Variants in SV2C observed in about 807,000 individuals in gnomAD.
SV2C encodes synaptic vesicle glycoprotein 2C.
A neutral mutation model predicts 79.7 loss-of-function variants in SV2C; 49 were observed. The observed-to-expected ratio is 0.61, with a 90% CI of 0.49 to 0.78. The LOEUF (loss-of-function observed/expected upper bound fraction) is 0.78, where lower values mean the gene tolerates loss of function less well. Among genes scored for constraint, SV2C ranks in the 30% least tolerant of loss-of-function variants. SV2C has a pLI of 0.00. For missense variants in SV2C, 833 were observed against 912.9 expected (o/e 0.91, Z 1.13); for synonymous variants, 334 against 333.2 (o/e 1.00, Z -0.03).
At chr5:76,009,236 G>T in the SV2C span, among the ~76,000 whole-genome samples, 6 of 152,126 alleles carry the variant, frequency 3.9e-5, no homozygotes, top group African/African-American at 1.4e-4. Flanking sequence ...AGTCAGAATG[G>T]CTATTACTAA....
At chr5:75,995,564 T>A in the SV2C span, among the ~76,000 whole-genome samples, 1 of 152,006 alleles carries the variant, frequency 6.6e-6, no homozygotes, top group African/African-American at 2.4e-5. Context: ...CGAAACAAAA[T>A]ATGAAGGAAG....
At chr5:76,258,291 A>G (rs1320587795) in intron 4 of SV2C, among the ~76,000 whole-genome samples, 1 of 152,060 alleles carries the variant, frequency 6.6e-6, no homozygotes, top group Non-Finnish European at 1.5e-5. Flanking sequence ...ATGGTCTACT[A>G]CAGACAATTC....
chr5:76,301,562 C>T lies in SV2C; in HGVS notation c.2000+17C>T. 1.2e-6 allele frequency: 2 copies of T among 1,609,218 alleles called. No individual in the cohort carries two copies. Among genetic ancestry groups the T allele is most frequent in the African/African-American group, 1.3e-5 (1 of 74,840 alleles). Reference sequence around the variant, plus strand: ...AGACCGGAGGTATGTTGAAATGGGCCTCTAGTAAGAGGCACTCTAAGCCCT... The same window carrying T: ...AGACCGGAGGTATGTTGAAATGGGCTTCTAGTAAGAGGCACTCTAAGCCCT... On this transcript the variant is annotated intron_variant, in intron 12 of 12. Coordinates refer to ENST00000502798, the MANE Select transcript of SV2C (RefSeq NM_014979.4).
At chr5:76,190,092 T>C (rs899280636) in intron 2 of SV2C, among the ~76,000 whole-genome samples, 12 of 152,196 alleles carry the variant, frequency 7.9e-5, no homozygotes, top group African/African-American at 2.9e-4. Context: ...ACACTTGCAG[T>C]GATGGTTTTT....
chr5:76,316,643 T>C (rs1042846537), intron 12 of SV2C, among the ~76,000 whole-genome samples: 6 of 152,104 alleles, frequency 3.9e-5, no homozygotes, highest in Admixed American at 2.6e-4. Flanking sequence ...AAGAAGCCTT[T>C]AGGGGTGTGT....
chr5:76,281,308 G>A (rs1333065055), intron 4 of SV2C: 9 of 460,094 alleles, frequency 2.0e-5, no homozygotes, highest in Non-Finnish European at 2.6e-5. Context: ...TTAATGGAAC[G>A]ATTCTAGGAC....
the SV2C span, among the ~76,000 whole-genome samples, chr5:75,875,401 C>T: frequency 6.6e-6 from 1 of 152,070 alleles, no homozygotes; most frequent in Non-Finnish European, 1.5e-5. Context: ...AAGCTGGACC[C>T]CTTTCTTACA....
chr5:76,228,437 G>A lies in SV2C; in HGVS notation c.913+18550G>A, dbSNP rs563431760. On this transcript the variant is annotated intron_variant, in intron 4 of 12. Transcript: ENST00000502798. ...AAAATCAGAAATCTGACTGTCACAGGTAGCGGGGCAAGCTGCCTGATGATG... is the reference window on the plus strand; with the variant it reads ...AAAATCAGAAATCTGACTGTCACAGATAGCGGGGCAAGCTGCCTGATGATG... 3.9e-4 allele frequency among the ~76,000 whole-genome samples: 59 copies of A among 152,324 alleles called. 1 individual carries two copies. The highest frequency in any genetic ancestry group is 1.3e-3 in the African/African-American group (56 of 41,578).
rs1008283948 is a variant in SV2C at position 76,325,808 on chromosome 5, G to A, written c.*261G>A. The A allele has an allele frequency of 9.3e-5, 36 of 386,814 alleles. No individual in the cohort carries two copies. The highest frequency in any genetic ancestry group is 6.2e-4 in the African/African-American group (30 of 48,150). 24.0% of individuals were successfully genotyped at this position (386,814 alleles called of 1,614,324 possible). On this transcript the variant is annotated 3_prime_UTR_variant, in exon 13 of 13. Transcript: ENST00000502798. ...TACTGCCTCCCGCAAATCAGTGGAA[G>A]CATTTCTAAAATGCCCTAGGCAGCC... is the stretch of plus-strand genomic sequence containing the variant.
chr5:76,071,237 G>A, the SV2C span, among the ~76,000 whole-genome samples: 7 of 152,284 alleles, frequency 4.6e-5, no homozygotes, highest in African/African-American at 1.7e-4. Flanking sequence ...GGATAAGCTT[G>A]ATTTGACTTT....
chr5:76,064,644 A>G, the SV2C span, among the ~76,000 whole-genome samples: 1 of 152,110 alleles, frequency 6.6e-6, no homozygotes, highest in Non-Finnish European at 1.5e-5. Flanking sequence ...CAATTCAAAT[A>G]CCAAGGAAGG....
chr5:76,137,283 A>C (rs1749099195), intron 2 of SV2C, among the ~76,000 whole-genome samples: 1 of 152,248 alleles, frequency 6.6e-6, no homozygotes, highest in South Asian at 2.1e-4. Flanking sequence ...CAGGCAAAAC[A>C]TGAAGAAATC....
intron 2 of SV2C, among the ~76,000 whole-genome samples, chr5:76,135,828 G>C (rs1208358424): frequency 6.6e-6 from 1 of 152,114 alleles, no homozygotes; most frequent in Non-Finnish European, 1.5e-5. Context: ...TTGTTGAGGG[G>C]GGCAGGTATG....
intron 4 of SV2C, among the ~76,000 whole-genome samples, chr5:76,260,856 T>C (rs990037120): frequency 2.6e-5 from 4 of 152,240 alleles, no homozygotes; most frequent in Non-Finnish European, 5.9e-5. Flanking sequence ...CCTTGTAGTA[T>C]AGTTTGAAGT....
chr5:76,334,707 G>A (rs909183144), downstream of SV2C, among the ~76,000 whole-genome samples: 2 of 152,242 alleles, frequency 1.3e-5, no homozygotes, highest in Middle Eastern at 3.4e-3. Context: ...GAACATTCTC[G>A]GAATCCTCCA....
At chr5:75,985,351 T>C in the SV2C span, among the ~76,000 whole-genome samples, 1 of 151,956 alleles carries the variant, frequency 6.6e-6, no homozygotes. Flanking sequence ...CACTGCTGCA[T>C]TGGGGATCAA....
At chr5:76,237,363 A>T (rs1252138308) in intron 4 of SV2C, among the ~76,000 whole-genome samples, 1 of 152,118 alleles carries the variant, frequency 6.6e-6, no homozygotes, top group East Asian at 1.9e-4. Flanking sequence ...ATAGTCTCAT[A>T]ATGTAGGTTT....
At chr5:75,901,516 A>T in the SV2C span, among the ~76,000 whole-genome samples, 62 of 152,280 alleles carry the variant, frequency 4.1e-4, no homozygotes, top group East Asian at 9.7e-4. Flanking sequence ...CCTCCCCATT[A>T]GGCTGCTCAG....
In SV2C at chr5:76,351,178, A is replaced by G. The variant is rs73115497; in HGVS notation, c.2001-1952A>G. Reference sequence around the variant, plus strand: ...CGATATATCTTAGGCCAGGTGAGATAGCTGAACCTGTAATCCCAGCAGTTT... The same window carrying G: ...CGATATATCTTAGGCCAGGTGAGATGGCTGAACCTGTAATCCCAGCAGTTT... On this transcript the variant is annotated intron_variant, in intron 12 of 12. Coordinates refer to the SV2C transcript ENST00000322285. 3.9e-3 allele frequency among the ~76,000 whole-genome samples: 592 copies of G among 152,292 alleles called. 4 individuals carry two copies. Among genetic ancestry groups the G allele is most frequent in the African/African-American group, 0.012 (513 of 41,548 alleles).
Sources: gnomAD v4.1 joint callset for allele counts (sites outside exome capture counted in the v4.1 genomes callset) on GRCh38, gnomAD v4.1.1 for gene constraint, MANE v1.5 for transcripts, NCBI Gene and HGNC (gene_info 2026-07-23, HGNC 2026-07-21) for gene names.